ACO2: variants seen among roughly 807,000 people sequenced by gnomAD.
ACO2 encodes aconitate hydratase, mitochondrial.
ACO2 carries 31 observed loss-of-function variants against 84.5 expected under a neutral mutation model. That is an observed-to-expected ratio of 0.37 (90% CI 0.28 to 0.50). The LOEUF (loss-of-function observed/expected upper bound fraction) is 0.50, where lower values mean the gene tolerates loss of function less well. ACO2 is among the 20% of genes least tolerant of loss of function. The pLI, the probability that ACO2 is intolerant of heterozygous loss-of-function variation, is 0.97. For synonymous variants in ACO2, 414 were observed against 412.7 expected (o/e 1.00, Z -0.04); for missense variants, 685 against 1,029.3 (o/e 0.67, Z 4.58).
chr22:41,476,645 G>A (rs1025898280), intron 1 of ACO2, among the ~76,000 whole-genome samples: 1 of 152,070 alleles, frequency 6.6e-6, no homozygotes, highest in Non-Finnish European at 1.5e-5. Flanking sequence ...GGGAGGCAGA[G>A]CTTGCAATGA....
At chr22:41,513,577 T>C (rs2066453140) in intron 4 of ACO2, among the ~76,000 whole-genome samples, 1 of 149,362 alleles carries the variant, frequency 6.7e-6, no homozygotes, top group South Asian at 2.1e-4. Flanking sequence ...CACAGTGGCT[T>C]CCAGTGGATC....
chr22:41,528,636 C>T lies in ACO2; in HGVS notation c.*23C>T, dbSNP rs199609927. On this transcript the variant is annotated 3_prime_UTR_variant, in exon 18 of 18. Transcript: ENST00000216254. ...TGAGGGCAGTGCCTCCCCGCCCCGCCGCTGGCGTCAAGTTCAGCTCCACGT... is the reference window on the plus strand; with the variant it reads ...TGAGGGCAGTGCCTCCCCGCCCCGCTGCTGGCGTCAAGTTCAGCTCCACGT... 9.3e-5 allele frequency: 149 copies of T among 1,607,522 alleles called. No individual in the cohort carries two copies. Among genetic ancestry groups the T allele is most frequent in the Non-Finnish European group, 1.1e-4 (133 of 1,178,160 alleles).
chr22:41,522,702 T>TA (rs943059174), intron 9 of ACO2, 128 bp from the exon 10 acceptor site: 14 of 1,074,518 alleles, frequency 1.3e-5, no homozygotes, highest in African/African-American at 4.8e-5. Context: ...TGGTCTCTGT[T>TA]AAAAAAGTCT....
intron 1 of ACO2, among the ~76,000 whole-genome samples, chr22:41,471,173 T>C (rs2037942047): frequency 6.6e-6 from 1 of 152,164 alleles, no homozygotes; most frequent in Non-Finnish European, 1.5e-5. Context: ...GATGAGCAAG[T>C]AGAATGAGTT....
At chr22:41,471,870 G>T (rs2037950066) in intron 1 of ACO2, among the ~76,000 whole-genome samples, 1 of 152,170 alleles carries the variant, frequency 6.6e-6, no homozygotes, top group African/African-American at 2.4e-5. Context: ...TCTGGCATCA[G>T]GCAGCCTAGA....
At chr22:41,528,319 C>G in intron 17 of ACO2, 160 bp from the exon 18 acceptor site, 6 of 1,093,406 alleles carry the variant, frequency 5.5e-6, no homozygotes, top group Non-Finnish European at 7.7e-6. Flanking sequence ...TAGGTGCCAC[C>G]TGGGTCTGAC....
chr22:41,500,989 C>T (rs2066350158), intron 2 of ACO2, among the ~76,000 whole-genome samples: 1 of 151,938 alleles, frequency 6.6e-6, no homozygotes, highest in Admixed American at 6.6e-5. Context: ...CAAGTGTGAG[C>T]CACTGTGCCC....
At chr22:41,523,771 C>T (rs375502313) in intron 11 of ACO2, 59 bp from the exon 12 acceptor site, 10 of 1,459,816 alleles carry the variant, frequency 6.9e-6, no homozygotes, top group Non-Finnish European at 7.7e-6. Flanking sequence ...TATCTGTCCT[C>T]GGGACAGGCC....
chr22:41,517,474 G>A lies in ACO2; in HGVS notation c.836-53G>A, dbSNP rs541768137. ...ATGCAGGTGGCCGCGTAGCAGGTGT[G>A]TGGGACCCTGGCCCGGCCACCAGCC... On this transcript the variant is annotated intron_variant, in intron 6 of 17. Coordinates refer to ENST00000216254, the MANE Select transcript of ACO2 (RefSeq NM_001098.3). 44 of 1,499,862 alleles carry A rather than the reference G, an allele frequency of 2.9e-5. No homozygotes were observed. The East Asian group carries it at 5.3e-4, about 18-fold the overall frequency. 92.9% of individuals were successfully genotyped at this position (1,499,862 alleles called of 1,614,324 possible).
In ACO2 at chr22:41,504,711, C is replaced by CTTTTTTTTTTTTTTTTTTTTTTTTTTTT. The variant is rs926246283; in HGVS notation, c.174-3077_174-3050dup. ...GCCAGCAGATCCAGCACCTTAGGGA[C>CTTTTTTTTTTTTTTTTTTTTTTTTTTTT]TTTTTTTTTTTTTTTTTTTTTTTTT... On this transcript the variant is annotated intron_variant, in intron 2 of 17. Coordinates refer to ENST00000216254, the MANE Select transcript of ACO2 (RefSeq NM_001098.3). Among the ~76,000 whole-genome samples, 2 of 48,604 alleles carry CTTTTTTTTTTTTTTTTTTTTTTTTTTTT rather than the reference C, an allele frequency of 4.1e-5. 1 individual carries two copies. Among genetic ancestry groups the CTTTTTTTTTTTTTTTTTTTTTTTTTTTT allele is most frequent in the Admixed American group, 5.2e-4 (2 of 3,850 alleles). 31.9% of individuals were successfully genotyped at this position (48,604 alleles called of 152,430 possible).
At chr22:41,513,944 G>GTGTGGACCACAAGTGTCTACACCA (rs2066456840) in intron 4 of ACO2, among the ~76,000 whole-genome samples, 1 of 151,768 alleles carries the variant, frequency 6.6e-6, no homozygotes, top group Non-Finnish European at 1.5e-5. Context: ...TGTCTACACC[G>GTGTGGACCACAAGTGTCTACACCA]TGTGGACCAC....
At chr22:41,499,605 C>T (rs1000986365) in intron 1 of ACO2, 121 bp from the exon 2 acceptor site, 3 of 1,060,196 alleles carry the variant, frequency 2.8e-6, no homozygotes, top group African/African-American at 1.6e-5. Context: ...GCTGAGGCTG[C>T]AGTTACTGAA....
intron 2 of ACO2, 58 bp downstream of exon 2, chr22:41,499,920 G>A (rs2066342056): frequency 3.8e-6 from 6 of 1,594,750 alleles, no homozygotes; most frequent in African/African-American, 1.3e-5. Flanking sequence ...CTGCCTGCCC[G>A]TCAGGCAGAG....
chr22:41,489,557 C>G (rs1156723012), intron 1 of ACO2, among the ~76,000 whole-genome samples: 2 of 152,172 alleles, frequency 1.3e-5, no homozygotes, highest in African/African-American at 4.8e-5. Context: ...AGAGACCAGG[C>G]CAGTTTTCCT....
intron 8 of ACO2, 130 bp from the exon 9 acceptor site, chr22:41,520,041 G>T: frequency 1.3e-6 from 1 of 741,962 alleles, no homozygotes; most frequent in Non-Finnish European, 2.2e-6. Flanking sequence ...TCTTCCCTGT[G>T]ATGAGGTTTC....
chr22:41,482,057 C>T lies in ACO2; in HGVS notation c.36+12875C>T, dbSNP rs1034527695. On this transcript the variant is annotated intron_variant, in intron 1 of 17. Coordinates refer to ENST00000216254, the MANE Select transcript of ACO2 (RefSeq NM_001098.3). Reference sequence around the variant, plus strand: ...CCAGCAGCATCCTTTCTTCCCTTGTCTTGCCTAGCCGTGTGGTGCCTGGCT... The same window carrying T: ...CCAGCAGCATCCTTTCTTCCCTTGTTTTGCCTAGCCGTGTGGTGCCTGGCT... Among the ~76,000 whole-genome samples, 6 of 152,320 alleles carry T rather than the reference C, an allele frequency of 3.9e-5. No individual in the cohort carries two copies. In the East Asian group the frequency reaches 1.2e-3, roughly 29 times the overall value.
intron 1 of ACO2, among the ~76,000 whole-genome samples, chr22:41,488,670 T>C (rs971565247): frequency 6.6e-6 from 1 of 152,182 alleles, no homozygotes; most frequent in African/African-American, 2.4e-5. Context: ...TGCATGTACA[T>C]GAAGGTGAAG....
intron 1 of ACO2, among the ~76,000 whole-genome samples, chr22:41,478,764 C>CTTTTT (rs761466511): frequency 2.4e-5 from 3 of 125,870 alleles, no homozygotes; most frequent in African/African-American, 5.9e-5. Context: ...CACATATCTT[C>CTTTTT]TTTTTTTTTT....
In ACO2 at chr22:41,525,147, G is replaced by A. The variant is rs201627352; in HGVS notation, c.1606-46G>A. The A allele has an allele frequency of 2.4e-3, 3,875 of 1,605,714 alleles. 14 individuals are homozygous for A. Among genetic ancestry groups the A allele is most frequent in the Admixed American group, 3.6e-3 (212 of 59,696 alleles). On this transcript the variant is annotated intron_variant, in intron 13 of 17. Transcript: ENST00000216254. ...TGCCTTCTGAGAGTCTGTCCTTGTGGGAACTGAGGACTCAGCACCCCACGC... is the reference window on the plus strand; with the variant it reads ...TGCCTTCTGAGAGTCTGTCCTTGTGAGAACTGAGGACTCAGCACCCCACGC...
Sources: gnomAD v4.1 joint callset for allele counts (sites outside exome capture counted in the v4.1 genomes callset) on GRCh38, gnomAD v4.1.1 for gene constraint, MANE v1.5 for transcripts, NCBI Gene and HGNC (gene_info 2026-07-23, HGNC 2026-07-21) for gene names.